The following CACNA2D3 variants were observed in gnomAD, a reference collection of about 807,000 sequenced individuals.
CACNA2D3 encodes calcium voltage-gated channel auxiliary subunit alpha2delta 3, also known as voltage-dependent calcium channel subunit alpha-2/delta-3.
CACNA2D3 carries 60 observed loss-of-function variants against 160.6 expected under a neutral mutation model. That is an observed-to-expected ratio of 0.37 (90% confidence interval 0.30 to 0.46). The LOEUF (loss-of-function observed/expected upper bound fraction) is 0.46. Ranked by LOEUF, CACNA2D3 falls within the 20% of genes least tolerant of loss-of-function variation. The probability of loss-of-function intolerance (pLI) is 1.00; values close to 1 mark genes in which losing one functional copy is unlikely to be tolerated. For missense variants in CACNA2D3, 1,205 were observed against 1,365.0 expected, an observed-to-expected ratio of 0.88 and a Z score of 1.85; for synonymous variants, 558 against 492.9, an observed-to-expected ratio of 1.13 and a Z score of -1.75.
At chr3:54,720,412 A>G (rs1289378647) in intron 11 of CACNA2D3, among the ~76,000 whole-genome samples, 1 of 152,100 alleles carries the variant, frequency 6.6e-6, no homozygotes, top group African/African-American at 2.4e-5. Context: ...CAAATTTTCT[A>G]GTTAAAATTT....
intron 27 of CACNA2D3, among the ~76,000 whole-genome samples, chr3:54,905,829 G>A (rs182129985): frequency 1.8e-4 from 27 of 152,254 alleles, no homozygotes; most frequent in Non-Finnish European, 3.1e-4. Flanking sequence ...AAACTGACAG[G>A]TAAACTTCAA....
intron 27 of CACNA2D3, among the ~76,000 whole-genome samples, chr3:54,931,334 G>C (rs534374593): frequency 1.2e-4 from 18 of 152,316 alleles, no homozygotes; most frequent in African/African-American, 4.3e-4. Flanking sequence ...CACATGGCCT[G>C]GACTGCCCGC....
chr3:54,246,081 C>T (rs960449529), intron 2 of CACNA2D3, among the ~76,000 whole-genome samples: 4 of 152,330 alleles, frequency 2.6e-5, no homozygotes, highest in South Asian at 2.1e-4. Context: ...ATTTGCTGTT[C>T]ACTACCAGAC....
chr3:54,558,317 G>A (rs1702271090), intron 5 of CACNA2D3, among the ~76,000 whole-genome samples: 1 of 152,176 alleles, frequency 6.6e-6, no homozygotes, highest in South Asian at 2.1e-4. Context: ...TAGGCCAAGG[G>A]AACAGCCCCA....
chr3:54,878,145 A>G (rs1460217123), intron 18 of CACNA2D3, among the ~76,000 whole-genome samples: 1 of 152,196 alleles, frequency 6.6e-6, no homozygotes, highest in Non-Finnish European at 1.5e-5. Context: ...GCAGTTTTCT[A>G]TCGGCCAGAT....
At chr3:54,636,305 A>G (rs1188682410) in intron 10 of CACNA2D3, among the ~76,000 whole-genome samples, 1 of 151,982 alleles carries the variant, frequency 6.6e-6, no homozygotes, top group Non-Finnish European at 1.5e-5. Context: ...GGTGAATATC[A>G]GGTGGATCAG....
intron 2 of CACNA2D3, among the ~76,000 whole-genome samples, chr3:54,185,933 G>A (rs1480393130): frequency 2.0e-5 from 3 of 152,168 alleles, no homozygotes; most frequent in Non-Finnish European, 4.4e-5. Flanking sequence ...CTTGCCTTAA[G>A]CATCTCTCCC....
chr3:54,356,101 C>G (rs1004126226), intron 3 of CACNA2D3, among the ~76,000 whole-genome samples: 2 of 106,838 alleles, frequency 1.9e-5, no homozygotes, highest in Non-Finnish European at 3.4e-5. Context: ...CCACAATGCC[C>G]TGATTGGGTG....
At chr3:54,260,316 G>A (rs1160269295) in intron 2 of CACNA2D3, among the ~76,000 whole-genome samples, 1 of 152,102 alleles carries the variant, frequency 6.6e-6, no homozygotes, top group Non-Finnish European at 1.5e-5. Flanking sequence ...GAATACATGA[G>A]ACCGGGCAAT....
chr3:54,243,631 A>T (rs576549477), intron 2 of CACNA2D3, among the ~76,000 whole-genome samples: 135 of 152,330 alleles, frequency 8.9e-4, no homozygotes, highest in African/African-American at 3.2e-3. Flanking sequence ...GGAAAATCAA[A>T]CAAACAAACG....
chr3:54,465,465 A>G (rs1197450340), intron 4 of CACNA2D3, among the ~76,000 whole-genome samples: 1 of 152,194 alleles, frequency 6.6e-6, no homozygotes, highest in Non-Finnish European at 1.5e-5. Flanking sequence ...ACGTAGGTGT[A>G]GGAAAAAACA....
At chr3:54,993,885 A>AGTGTGTGT (rs34012508) in intron 31 of CACNA2D3, among the ~76,000 whole-genome samples, 1,585 of 111,478 alleles carry the variant, frequency 0.014, 24 homozygotes, top group African/African-American at 0.044. Flanking sequence ...TGCAACTGCT[A>AGTGTGTGT]GTGTGTGTGT....
chr3:54,704,910 A>C (rs962376477), intron 11 of CACNA2D3, among the ~76,000 whole-genome samples: 1 of 152,060 alleles, frequency 6.6e-6, no homozygotes, highest in Admixed American at 6.5e-5. Flanking sequence ...TCTACAGGGA[A>C]ACAACCCTGT....
intron 3 of CACNA2D3, among the ~76,000 whole-genome samples, chr3:54,382,651 G>A (rs952376396): frequency 4.6e-5 from 7 of 152,204 alleles, no homozygotes; most frequent in Non-Finnish European, 8.8e-5. Flanking sequence ...GGGAGTGATG[G>A]CGCATGCCTG....
At chr3:54,643,608 C>G (rs1037128479) in intron 11 of CACNA2D3, among the ~76,000 whole-genome samples, 5 of 152,352 alleles carry the variant, frequency 3.3e-5, no homozygotes, top group Non-Finnish European at 7.3e-5. Context: ...GAGGTTCACT[C>G]TTAGACAGGG....
chr3:54,364,161 A>G (rs955174099), intron 3 of CACNA2D3, among the ~76,000 whole-genome samples: 2 of 152,200 alleles, frequency 1.3e-5, no homozygotes, highest in Non-Finnish European at 2.9e-5. Context: ...TGTAGAGGAC[A>G]CATTAATATT....
intron 3 of CACNA2D3, among the ~76,000 whole-genome samples, chr3:54,357,870 C>T (rs1698676445): frequency 6.6e-6 from 1 of 152,144 alleles, no homozygotes; most frequent in African/African-American, 2.4e-5. Flanking sequence ...GAAGGAAAAA[C>T]TGTGGAGACA....
chr3:54,205,489 A>T (rs549095845), intron 2 of CACNA2D3, among the ~76,000 whole-genome samples: 12 of 152,342 alleles, frequency 7.9e-5, no homozygotes, highest in Admixed American at 6.5e-4. Flanking sequence ...TTAGCAACGA[A>T]AATGTGTTTA....
intron 4 of CACNA2D3, among the ~76,000 whole-genome samples, chr3:54,436,324 TTGG>T (rs1204714701): frequency 6.6e-6 from 1 of 152,184 alleles, no homozygotes; most frequent in Non-Finnish European, 1.5e-5. Context: ...TTTTACACTG[TTGG>T]TGGGAGTGTA....
Sources: gnomAD v4.1 joint callset for allele counts (sites outside exome capture counted in the v4.1 genomes callset) on GRCh38, gnomAD v4.1.1 for gene constraint, MANE v1.5 for transcripts, NCBI Gene and HGNC (gene_info 2026-07-23, HGNC 2026-07-21) for gene names.